Variants in MAP4K4 observed in about 807,000 individuals in gnomAD.
MAP4K4 encodes the protein HPK/GCK-like kinase HGK.
MAP4K4 carries 38 observed loss-of-function variants against 189.6 expected under a neutral mutation model. The ratio of observed to expected loss-of-function variants is 0.20; its 90% CI spans 0.15 to 0.26. The LOEUF (loss-of-function observed/expected upper bound fraction) is 0.26, where lower values mean the gene tolerates loss of function less well. Among genes scored for constraint, MAP4K4 ranks in the 10% least tolerant of loss-of-function variants. The pLI, the probability that MAP4K4 is intolerant of heterozygous loss-of-function variation, is 1.00. For synonymous variants in MAP4K4, 610 were observed against 624.3 expected, an observed-to-expected ratio of 0.98 and a Z score of 0.34; for missense variants, 1,054 against 1,726.9, an observed-to-expected ratio of 0.61 and a Z score of 6.91.
chr2:101,803,443 C>G (rs889040847), intron 3 of MAP4K4, among the ~76,000 whole-genome samples: 2 of 152,168 alleles, frequency 1.3e-5, no homozygotes, highest in Non-Finnish European at 2.9e-5. Context: ...TTTAGATAAC[C>G]TGTGTCCATT....
At chr2:101,876,469 T>C (rs1438680182) in intron 26 of MAP4K4, among the ~76,000 whole-genome samples, 3 of 152,198 alleles carry the variant, frequency 2.0e-5, no homozygotes, top group Non-Finnish European at 2.9e-5. Flanking sequence ...TTCTTGATGA[T>C]GGTGGAAAGT....
intron 3 of MAP4K4, among the ~76,000 whole-genome samples, chr2:101,807,851 C>T (rs562616894): frequency 6.6e-6 from 1 of 152,318 alleles, no homozygotes; most frequent in Non-Finnish European, 1.5e-5. Flanking sequence ...CTTTAAATGA[C>T]CAGATCTCAT....
chr2:101,814,234 T>C (rs1293297839), intron 3 of MAP4K4, among the ~76,000 whole-genome samples: 1 of 152,226 alleles, frequency 6.6e-6, no homozygotes, highest in East Asian at 1.9e-4. Context: ...TATCCCTGAA[T>C]TTTGTCACCT....
intron 2 of MAP4K4, among the ~76,000 whole-genome samples, chr2:101,732,966 T>C (rs1202069912): frequency 6.6e-6 from 1 of 152,266 alleles, no homozygotes; most frequent in African/African-American, 2.4e-5. Context: ...TTGATGTATT[T>C]AGAGCTTAGC....
At chr2:101,761,224 CT>C (rs976454903) in intron 2 of MAP4K4, among the ~76,000 whole-genome samples, 3 of 151,974 alleles carry the variant, frequency 2.0e-5, no homozygotes, top group African/African-American at 7.3e-5. Flanking sequence ...ATTTTCTTTT[CT>C]TTTGGTTTTG....
At chr2:101,789,005 T>C (rs1358946881) in intron 2 of MAP4K4, among the ~76,000 whole-genome samples, 4 of 152,132 alleles carry the variant, frequency 2.6e-5, no homozygotes, top group Admixed American at 2.6e-4. Flanking sequence ...ATCCCCAACA[T>C]TTTACTAACA....
intron 2 of MAP4K4, among the ~76,000 whole-genome samples, chr2:101,709,140 T>C (rs940501864): frequency 6.6e-6 from 1 of 152,200 alleles, no homozygotes; most frequent in East Asian, 1.9e-4. Context: ...GGAAAAGCAG[T>C]TGAAGTTTTG....
chr2:101,762,395 A>C (rs1160941959), intron 2 of MAP4K4, among the ~76,000 whole-genome samples: 1 of 152,156 alleles, frequency 6.6e-6, no homozygotes, highest in Non-Finnish European at 1.5e-5. Context: ...CCCCCTGGGC[A>C]GTGAAGATTT....
intron 2 of MAP4K4, among the ~76,000 whole-genome samples, chr2:101,766,460 G>C (rs56010260): frequency 0.25 from 37,505 of 152,056 alleles, 5,494 homozygotes; most frequent in Non-Finnish European, 0.31. Flanking sequence ...CTGGCTCCCA[G>C]TCTTTGGGGG....
chr2:101,747,397 C>T (rs1421202451), intron 2 of MAP4K4, among the ~76,000 whole-genome samples: 1 of 152,076 alleles, frequency 6.6e-6, no homozygotes, highest in Admixed American at 6.5e-5. Context: ...GGATTACATG[C>T]GTGAGTCACC....
chr2:101,783,357 A>G (rs1175555911), intron 2 of MAP4K4, among the ~76,000 whole-genome samples: 1 of 152,192 alleles, frequency 6.6e-6, no homozygotes, highest in Non-Finnish European at 1.5e-5. Flanking sequence ...ACCCCCAGCT[A>G]AGACAGTAAG....
At chr2:101,789,208 G>A (rs369355416) in intron 2 of MAP4K4, among the ~76,000 whole-genome samples, 17 of 152,174 alleles carry the variant, frequency 1.1e-4, no homozygotes, top group African/African-American at 3.9e-4. Flanking sequence ...AACTTTGTAC[G>A]CTTATGTGGA....
At chr2:101,800,558 A>C (rs1214437465) in intron 3 of MAP4K4, among the ~76,000 whole-genome samples, 1 of 152,230 alleles carries the variant, frequency 6.6e-6, no homozygotes, top group Non-Finnish European at 1.5e-5. Flanking sequence ...GCTAGTTTTA[A>C]ATATAAAAAA....
At position 101,750,996 on chromosome 2, in the gene MAP4K4, A is replaced by G. The variant is rs971669367; in HGVS notation, c.124-39724A>G. ...CTGTTTTGAATTTGGGGACCAGTCC[A>G]GGCTCCACAGCCTGGGCACAACACT... On this transcript the variant is annotated intron_variant, in intron 2 of 32. Coordinates refer to ENST00000324219, the Ensembl canonical transcript of MAP4K4. Among the ~76,000 whole-genome samples the G allele has an allele frequency of 7.2e-5, 11 of 152,294 alleles. 1 individual carries two copies. The South Asian group carries it at 2.3e-3, about 32-fold the overall frequency.
chr2:101,882,110 T>C (rs1488685016), intron 27 of MAP4K4, among the ~76,000 whole-genome samples: 1 of 152,242 alleles, frequency 6.6e-6, no homozygotes, highest in Non-Finnish European at 1.5e-5. Context: ...TCTAACAGTT[T>C]ACAACACTAG....
At chr2:101,886,677 G>A (rs1048777176) in intron 29 of MAP4K4, among the ~76,000 whole-genome samples, 1 of 152,128 alleles carries the variant, frequency 6.6e-6, no homozygotes, top group African/African-American at 2.4e-5. Context: ...GTTGCCTTAC[G>A]GTTGTTGCCA....
chr2:101,846,036 G>A lies in MAP4K4; in HGVS notation c.1233+1725G>A, dbSNP rs74753658. ...GGATTCTGAAAACTCTTTATAATTT[G>A]CCGCTTGTTTAGAAAAATCAGTGCC... On this transcript the variant is annotated intron_variant, in intron 12 of 32. Transcript: ENST00000324219. 7.7e-3 allele frequency among the ~76,000 whole-genome samples: 1,168 copies of A among 152,208 alleles called. 6 individuals carry two copies. The highest frequency in any genetic ancestry group is 0.031 in the Middle Eastern group (9 of 294).
chr2:101,867,042 G>C (rs1210532784), intron 19 of MAP4K4, among the ~76,000 whole-genome samples, 170 bp from the exon 20 acceptor site: 1 of 151,884 alleles, frequency 6.6e-6, no homozygotes, highest in Non-Finnish European at 1.5e-5. Context: ...GAGTCAGGAA[G>C]GCTGCTGGAG....
At chr2:101,839,675 G>GTTTC in intron 9 of MAP4K4, 144 bp from the exon 10 acceptor site, 1 of 649,158 alleles carries the variant, frequency 1.5e-6, no homozygotes, top group Non-Finnish European at 2.6e-6. Flanking sequence ...TCCTATTTAT[G>GTTTC]TTTCATACAT....
Sources: gnomAD v4.1 joint callset for allele counts (sites outside exome capture counted in the v4.1 genomes callset) on GRCh38, gnomAD v4.1.1 for gene constraint, MANE v1.5 for transcripts, NCBI Gene and HGNC (gene_info 2026-07-23, HGNC 2026-07-21) for gene names.